The following RASAL2 variants were observed in gnomAD, a reference collection of about 807,000 sequenced individuals.
RASAL2 encodes the protein ras GTPase-activating protein nGAP.
RASAL2 carries 58 observed loss-of-function variants against 128.9 expected under a neutral mutation model. The ratio of observed to expected loss-of-function variants is 0.45; its 90% CI spans 0.36 to 0.56. The LOEUF (loss-of-function observed/expected upper bound fraction) is 0.56, where lower values mean the gene tolerates loss of function less well. Ranked by LOEUF, RASAL2 falls within the 20% of genes least tolerant of loss-of-function variation. The probability of loss-of-function intolerance (pLI) is 0.00; values close to 1 mark genes in which losing one functional copy is unlikely to be tolerated. For synonymous variants in RASAL2, 561 were observed against 580.8 expected (o/e 0.97, Z 0.49); for missense variants, 1,360 against 1,601.6 (o/e 0.85, Z 2.57).
chr1:178,405,316 G>T (rs543458703), intron 4 of RASAL2, among the ~76,000 whole-genome samples: 2 of 152,280 alleles, frequency 1.3e-5, no homozygotes, highest in Non-Finnish European at 2.9e-5. Flanking sequence ...TCATAAGAGG[G>T]TGACTAAACT....
chr1:178,382,715 G>A (rs59246021), intron 3 of RASAL2, among the ~76,000 whole-genome samples: 10,702 of 152,090 alleles, frequency 0.07, 1,214 homozygotes, highest in African/African-American at 0.24. Context: ...CAAGGTTGGC[G>A]CAAAAGTAAT....
chr1:178,249,193 G>C (rs933675726), intron 1 of RASAL2, among the ~76,000 whole-genome samples: 7 of 151,826 alleles, frequency 4.6e-5, no homozygotes, highest in Admixed American at 4.6e-4. Context: ...GCATAGGTTT[G>C]GTCTTTTCAC....
chr1:178,318,413 A>T (rs12024794), intron 3 of RASAL2, among the ~76,000 whole-genome samples: 15,276 of 151,568 alleles, frequency 0.1, 694 homozygotes, highest in Middle Eastern at 0.14. Flanking sequence ...TCCCATTATT[A>T]ATGTGTGGGA....
At chr1:178,262,588 G>A (rs187859679) in intron 1 of RASAL2, among the ~76,000 whole-genome samples, 73 of 152,194 alleles carry the variant, frequency 4.8e-4, no homozygotes, top group Non-Finnish European at 1.0e-3. Context: ...TCTTGTGATT[G>A]CATTTGAGAA....
At chr1:178,402,988 A>G (rs913596404) in intron 4 of RASAL2, among the ~76,000 whole-genome samples, 1 of 152,028 alleles carries the variant, frequency 6.6e-6, no homozygotes, top group African/African-American at 2.4e-5. Flanking sequence ...TTGACCCATC[A>G]TTTCTCATTA....
intron 3 of RASAL2, among the ~76,000 whole-genome samples, chr1:178,326,817 T>G (rs1452814898): frequency 6.6e-6 from 1 of 152,214 alleles, no homozygotes; most frequent in Non-Finnish European, 1.5e-5. Context: ...GTGCTGGGAT[T>G]ACAGGGGTGA....
intron 3 of RASAL2, among the ~76,000 whole-genome samples, chr1:178,384,598 G>A (rs543863614): frequency 4.8e-4 from 72 of 150,818 alleles, no homozygotes; most frequent in Non-Finnish European, 7.4e-4. Flanking sequence ...AACATGGGAG[G>A]TATAGGCTGC....
intron 2 of RASAL2, among the ~76,000 whole-genome samples, chr1:178,297,569 T>C (rs1393093621): frequency 2.2e-5 from 3 of 135,124 alleles, no homozygotes; most frequent in Non-Finnish European, 1.5e-5. Flanking sequence ...ATCACACCAC[T>C]GCACTCCAGC....
At chr1:178,342,503 G>A (rs913297776) in intron 3 of RASAL2, among the ~76,000 whole-genome samples, 9 of 152,146 alleles carry the variant, frequency 5.9e-5, no homozygotes, top group African/African-American at 1.9e-4. Flanking sequence ...TTGAGAAATG[G>A]ATGTCATCAA....
At chr1:178,277,937 A>T (rs76612486) in intron 1 of RASAL2, among the ~76,000 whole-genome samples, 1 of 152,158 alleles carries the variant, frequency 6.6e-6, no homozygotes, top group African/African-American at 2.4e-5. Flanking sequence ...AGTCTCACCA[A>T]TGCAACACAG....
chr1:178,401,990 C>T (rs573116997), intron 4 of RASAL2, among the ~76,000 whole-genome samples: 6 of 152,214 alleles, frequency 3.9e-5, no homozygotes, highest in Admixed American at 6.5e-5. Flanking sequence ...TATTTTTTAC[C>T]GTTCTTCAAC....
intron 1 of RASAL2, among the ~76,000 whole-genome samples, chr1:178,141,563 G>A (rs1660534666): frequency 6.6e-6 from 1 of 151,994 alleles, no homozygotes. Context: ...CCTCTCAACA[G>A]GAAAACCCAA....
rs144763240 is a variant in RASAL2 at position 178,442,854 on chromosome 1, T to C, written c.1107T>C (p.Leu369=). Residue 369 remains leucine (L), a synonymous_variant, in exon 8 of 18, where the codon CTT becomes CTC. Transcript: ENST00000367649. Reference sequence around the variant, plus strand: ...GCGAACATTTTGAATTCTTCAGCCTTCCACCTCTTCATAGTATCACAGTTC... The same window carrying C: ...GCGAACATTTTGAATTCTTCAGCCTCCCACCTCTTCATAGTATCACAGTTC... ...FWGEHFEFFS[L]PPLHSITVHI... is the part of the protein sequence containing the mutation. 6.9e-4 allele frequency: 1,109 copies of C among 1,613,802 alleles called. 2 individuals are homozygous for C. Among genetic ancestry groups the C allele is most frequent in the Non-Finnish European group, 8.8e-4 (1,043 of 1,179,940 alleles).
At chr1:178,284,956 C>A (rs1666947900) in intron 2 of RASAL2, among the ~76,000 whole-genome samples, 1 of 152,052 alleles carries the variant, frequency 6.6e-6, no homozygotes, top group Non-Finnish European at 1.5e-5. Context: ...ATCCCTACCT[C>A]CCCTTTCTCT....
intron 1 of RASAL2, among the ~76,000 whole-genome samples, chr1:178,096,711 A>G (rs937401469): frequency 6.6e-6 from 1 of 151,960 alleles, no homozygotes; most frequent in Non-Finnish European, 1.5e-5. Context: ...TTTGTGACCA[A>G]TTGCAGACTT....
At chr1:178,155,314 G>A (rs1661046918) in intron 1 of RASAL2, among the ~76,000 whole-genome samples, 1 of 151,552 alleles carries the variant, frequency 6.6e-6, no homozygotes, top group Non-Finnish European at 1.5e-5. Context: ...CAAGTTTCAT[G>A]CTCTTTGTCT....
chr1:178,216,600 C>T (rs1382822054), intron 1 of RASAL2, among the ~76,000 whole-genome samples: 3 of 152,030 alleles, frequency 2.0e-5, no homozygotes, highest in African/African-American at 2.4e-5. Context: ...TTTTGGTTGC[C>T]GAATTCAGGA....
intron 3 of RASAL2, among the ~76,000 whole-genome samples, chr1:178,382,523 T>TG (rs1039143766): frequency 1.3e-5 from 2 of 152,188 alleles, no homozygotes; most frequent in African/African-American, 4.8e-5. Flanking sequence ...ATAGAATGCA[T>TG]GGCAATTAAA....
intron 1 of RASAL2, among the ~76,000 whole-genome samples, chr1:178,195,643 T>TA (rs1238798646): frequency 1.3e-5 from 2 of 152,214 alleles, no homozygotes; most frequent in Non-Finnish European, 2.9e-5. Context: ...AAATGGTAGA[T>TA]ATTATTTTCC....
Sources: gnomAD v4.1 joint callset for allele counts (sites outside exome capture counted in the v4.1 genomes callset) on GRCh38, gnomAD v4.1.1 for gene constraint, MANE v1.5 for transcripts, NCBI Gene and HGNC (gene_info 2026-07-23, HGNC 2026-07-21) for gene names.